Variants in ZNF556 observed in about 807,000 individuals in gnomAD.
The protein encoded by ZNF556 is zinc finger protein 556.
Under a neutral mutation model 13.6 loss-of-function variants are expected in ZNF556, and 11 were observed. The ratio of observed to expected loss-of-function variants is 0.81; its 90% CI spans 0.51 to 1.33. ZNF556 has a LOEUF of 1.33. Ranked by LOEUF, ZNF556 falls within the 40% of genes most tolerant of loss-of-function variation. ZNF556 has a pLI of 0.00. For synonymous variants in ZNF556, 229 were observed against 207.8 expected (o/e 1.10, Z -0.88); for missense variants, 633 against 566.2 (o/e 1.12, Z -1.20).
chr19:2,877,847 T>G lies in ZNF556; in HGVS notation c.889T>G (p.Cys297Gly). 6.2e-7 allele frequency: 1 copy of G among 1,614,112 alleles called. No individual in the cohort carries two copies. Among genetic ancestry groups the G allele is most frequent in the Non-Finnish European group, 8.5e-7 (1 of 1,180,014 alleles). The change falls in exon 4 of 4, where the codon TGC (cysteine) becomes GGC (glycine). Residue 297 changes from cysteine (C) to glycine (G), a missense_variant. Transcript: ENST00000307635. ...YECKQCGKAY[C>G]WATSFQRHVR... ...GTGCAAGCAGTGTGGGAAAGCCTAC[T>G]GCTGGGCAACATCCTTTCAACGACA... is the stretch of plus-strand genomic sequence containing the variant.
intron 1 of ZNF556, among the ~76,000 whole-genome samples, chr19:2,867,739 C>T (rs12985544): frequency 0.27 from 35,259 of 128,596 alleles, 6,072 homozygotes; most frequent in East Asian, 0.66. Flanking sequence ...AAAAAAAAAA[C>T]CTCACCCCAG....
chr19:2,873,425 G>C, intron 1 of ZNF556, 71 bp from the exon 2 acceptor site: 1 of 1,578,672 alleles, frequency 6.3e-7, no homozygotes, highest in Non-Finnish European at 8.7e-7. Flanking sequence ...AGTGTCCTAT[G>C]AACTGAGTTC....
Position 2,873,971 on chromosome 19 carries a change from AAAG to A in ZNF556, c.130+351_130+353del, listed in dbSNP as rs139422968. On this transcript the variant is annotated intron_variant, in intron 2 of 3. Coordinates refer to ENST00000307635, the MANE Select transcript of ZNF556 (RefSeq NM_024967.3). ...GACCCTGTCTCAAATAAAAAAGAAA[AAAG>A]AGCCAGGCACGGTGGCTCACGCCTG... is the stretch of plus-strand genomic sequence containing the variant. Among the ~76,000 whole-genome samples the A allele has an allele frequency of 7.4e-3, 1,128 of 151,714 alleles. 11 individuals carry two copies. Among genetic ancestry groups the A allele is most frequent in the African/African-American group, 0.026 (1,076 of 41,338 alleles).
chr19:2,873,764 G>A lies in ZNF556; in HGVS notation c.130+142G>A, dbSNP rs1374484278. 4.1e-6 allele frequency: 4 copies of A among 985,282 alleles called. No individual in the cohort carries two copies. The African/African-American group carries it at 4.9e-5, about 12-fold the overall frequency. 61.0% of individuals were successfully genotyped at this position (985,282 alleles called of 1,614,324 possible). On this transcript the variant is annotated intron_variant, in intron 2 of 3. Coordinates refer to ENST00000307635, the MANE Select transcript of ZNF556 (RefSeq NM_024967.3). The stretch of plus-strand genomic sequence containing the variant: ...AGGCTAGGAGTTGACAACCAGCCTG[G>A]GCAACATAGTGAGACCTTGTCTCTA...
chr19:2,870,031 T>G (rs2079051052), intron 1 of ZNF556, among the ~76,000 whole-genome samples: 1 of 152,218 alleles, frequency 6.6e-6, no homozygotes, highest in African/African-American at 2.4e-5. Flanking sequence ...CTCTGGCTGT[T>G]TCTCCCACCC....
In ZNF556 at chr19:2,874,314, T is replaced by G. The variant is rs1308890056; in HGVS notation, c.130+692T>G. 2.0e-5 allele frequency among the ~76,000 whole-genome samples: 3 copies of G among 152,026 alleles called. No individual in the cohort carries two copies. The South Asian group carries it at 6.2e-4, about 32-fold the overall frequency. On this transcript the variant is annotated intron_variant, in intron 2 of 3. Transcript: ENST00000307635. The stretch of plus-strand genomic sequence containing the variant: ...TTGCTCATTAAGCCTATTCTAAGAT[T>G]TAGAATGCAGAAGGGGAATACATTG...
intron 1 of ZNF556, among the ~76,000 whole-genome samples, chr19:2,872,833 A>G (rs1007832575): frequency 2.0e-5 from 3 of 151,558 alleles, no homozygotes; most frequent in Non-Finnish European, 2.9e-5. Context: ...AAAAAAAAAA[A>G]AAAGAAATAT....
chr19:2,877,906 G>C lies in ZNF556; in HGVS notation c.948G>C (p.Lys316Asn). The change falls in exon 4 of 4, where the codon AAG becomes AAC. Residue 316 changes from lysine (K) to asparagine (N), a missense_variant. Coordinates refer to ENST00000307635, the MANE Select transcript of ZNF556 (RefSeq NM_024967.3). ...VRIHNGEKPY[K>N]CGKCGKAFGW... ...TTCACAACGGGGAGAAACCCTATAAGTGTGGAAAATGCGGGAAAGCATTCG... is the reference window on the plus strand; with the variant it reads ...TTCACAACGGGGAGAAACCCTATAACTGTGGAAAATGCGGGAAAGCATTCG... 6.2e-7 allele frequency: 1 copy of C among 1,614,180 alleles called. No homozygotes were observed. Among genetic ancestry groups the C allele is most frequent in the Non-Finnish European group, 8.5e-7 (1 of 1,180,032 alleles).
chr19:2,867,712 C>T (rs1238056406), intron 1 of ZNF556, among the ~76,000 whole-genome samples: 1 of 85,554 alleles, frequency 1.2e-5, no homozygotes, highest in African/African-American at 4.3e-5. Flanking sequence ...ACCCAAAGTA[C>T]AAAAAACAAA....
At chr19:2,869,697 G>T (rs572709295) in intron 1 of ZNF556, among the ~76,000 whole-genome samples, 1 of 152,204 alleles carries the variant, frequency 6.6e-6, no homozygotes, top group Non-Finnish European at 1.5e-5. Context: ...TCTTGCACAG[G>T]ACTGCACTGT....
chr19:2,868,138 C>T (rs982565724), intron 1 of ZNF556, among the ~76,000 whole-genome samples: 10 of 150,878 alleles, frequency 6.6e-5, no homozygotes, highest in Admixed American at 5.9e-4. Context: ...CTTTTTTGCC[C>T]GTGTGGTTAA....
At chr19:2,867,993 T>G (rs1387497667) in intron 1 of ZNF556, among the ~76,000 whole-genome samples, 1 of 152,210 alleles carries the variant, frequency 6.6e-6, no homozygotes, top group Admixed American at 6.5e-5. Context: ...CAATGGAACA[T>G]ACAGTAAATA....
intron 1 of ZNF556, among the ~76,000 whole-genome samples, chr19:2,871,910 T>C (rs7249160): frequency 0.11 from 16,382 of 152,076 alleles, 2,940 homozygotes; most frequent in African/African-American, 0.38. Context: ...TAGGTAAGGA[T>C]GCATGGGTCA....
intron 1 of ZNF556, among the ~76,000 whole-genome samples, chr19:2,870,559 T>C (rs4508531): frequency 0.94 from 143,091 of 151,464 alleles, 67,649 homozygotes; most frequent in East Asian, 1. Context: ...CCAGCCTGGC[T>C]AACATGGTGA....
chr19:2,882,884 T>C lies in ZNF556; in HGVS notation c.*4555T>C, dbSNP rs985381262. 6.6e-6 allele frequency: 1 copy of C among 152,208 alleles called. No homozygotes were observed. Among genetic ancestry groups the C allele is most frequent in the Non-Finnish European group, 1.5e-5 (1 of 68,052 alleles). The allele number at this position is 152,208 out of a possible 1,614,324, so 9.4% of individuals were successfully genotyped here. A position where few individuals can be genotyped will look rare whatever the true frequency, so the allele number is the denominator to read the frequency against. ...CATATGTTTTTATGAGTTTGGACAT[T>C]GGCATCTGGGACCAGGTACTTCATC... is the stretch of plus-strand genomic sequence containing the variant. On this transcript the variant is annotated 3_prime_UTR_variant, in exon 4 of 4. Transcript: ENST00000307635.
chr19:2,876,746 G>T (rs1568354237), intron 3 of ZNF556, among the ~76,000 whole-genome samples: 1 of 151,908 alleles, frequency 6.6e-6, no homozygotes, highest in Non-Finnish European at 1.5e-5. Flanking sequence ...AATTCTGTTA[G>T]AAACAATTAT....
At position 2,878,291 on chromosome 19, in the gene ZNF556, A is replaced by G; in HGVS notation, c.1333A>G (p.Arg445Gly). 6.2e-7 allele frequency: 1 copy of G among 1,614,070 alleles called. No homozygotes were observed. ...TCCCAAAGCCTTTCAAGGTCATGTG[A>G]GAAGTCACACAGGAAAGAAATCCTG... ...SCPKAFQGHV[R>G]SHTGKKSCTS... is the part of the protein sequence containing the mutation. The change falls in exon 4 of 4, where the codon AGA (arginine) becomes GGA (glycine). Residue 445 changes from arginine (R) to glycine (G), a missense_variant. By Grantham distance (125) the Arg-to-Gly change is moderately radical (BLOSUM62 -2). Coordinates refer to ENST00000307635, the MANE Select transcript of ZNF556 (RefSeq NM_024967.3).
rs564221350 is a variant in ZNF556, at chr19:2,871,693, C to A, written c.4-1803C>A. Among the ~76,000 whole-genome samples the A allele has an allele frequency of 2.4e-3, 359 of 152,266 alleles. 1 individual carries two copies. The highest frequency in any genetic ancestry group is 8.1e-3 in the African/African-American group (336 of 41,542). On this transcript the variant is annotated intron_variant, in intron 1 of 3. Coordinates refer to ENST00000307635, the MANE Select transcript of ZNF556 (RefSeq NM_024967.3). ...TGGGCATGTATAGGGACCAGCCCCA[C>A]AGGGTCGGTGGGTTTCTCCCCATGT...
rs550481367 is a variant in ZNF556 at position 2,877,853 on chromosome 19, G to A, written c.895G>A (p.Ala299Thr). The change falls in exon 4 of 4, where the codon GCA (alanine) becomes ACA (threonine). Residue 299 changes from alanine (A) to threonine (T), a missense_variant. Ala to Thr is a moderately conservative substitution (Grantham distance 58). Transcript: ENST00000307635. The part of the protein sequence containing the change: ...CKQCGKAYCW[A>T]TSFQRHVRIH... Reference sequence around the variant, plus strand: ...GCAGTGTGGGAAAGCCTACTGCTGGGCAACATCCTTTCAACGACACGTGAG... The same window carrying A: ...GCAGTGTGGGAAAGCCTACTGCTGGACAACATCCTTTCAACGACACGTGAG... The A allele has an allele frequency of 6.7e-5, 108 of 1,614,184 alleles. No individual in the cohort carries two copies. The South Asian group carries it at 1.1e-3, about 16-fold the overall frequency.
Sources: allele counts gnomAD v4.1 joint callset (sites outside exome capture counted in the v4.1 genomes callset), GRCh38; gene constraint gnomAD v4.1.1; transcripts MANE v1.5; gene names NCBI Gene and HGNC (gene_info 2026-07-23, HGNC 2026-07-21).